Variants in FRMPD2 observed in about 807,000 individuals in gnomAD.
FRMPD2 encodes FERM and PDZ domain containing 2, also known as FERM and PDZ domain-containing protein 2.
FRMPD2 carries 96 observed loss-of-function variants against 140.1 expected under a neutral mutation model. The ratio of observed to expected loss-of-function variants is 0.69; its 90% CI spans 0.58 to 0.81. The LOEUF is 0.81. Ranked by LOEUF, FRMPD2 falls within the 40% of genes least tolerant of loss-of-function variation. The pLI is 0.00. For missense variants in FRMPD2, 1,240 were observed against 1,447.4 expected (o/e 0.86, Z 2.32); for synonymous variants, 449 against 547.6 (o/e 0.82, Z 2.52).
chr10:48,206,716 T>C, intron 14 of FRMPD2, 32 bp downstream of exon 14: 1 of 1,578,098 alleles, frequency 6.3e-7, no homozygotes, highest in Non-Finnish European at 8.7e-7. Context: ...GAAAATGAAG[T>C]GCAGGTTATT....
At chr10:48,260,408 C>T (rs1009523345) in intron 1 of FRMPD2, among the ~76,000 whole-genome samples, 1 of 152,120 alleles carries the variant, frequency 6.6e-6, no homozygotes, top group Non-Finnish European at 1.5e-5. Context: ...TGTCCCAGCT[C>T]AAGCTGGGTA....
At chr10:48,241,538 T>G (rs1247013055) in intron 5 of FRMPD2, among the ~76,000 whole-genome samples, 1 of 152,214 alleles carries the variant, frequency 6.6e-6, no homozygotes. Context: ...TCAGCTGTAC[T>G]ACCATCACTC....
chr10:48,222,281 C>T, intron 12 of FRMPD2, 32 bp downstream of exon 12: 1 of 1,602,876 alleles, frequency 6.2e-7, no homozygotes, highest in Non-Finnish European at 8.5e-7. Context: ...TTCCAGTGAC[C>T]CCACACAAAG....
chr10:48,228,187 T>G (rs1473049854), intron 10 of FRMPD2, among the ~76,000 whole-genome samples: 1 of 152,112 alleles, frequency 6.6e-6, no homozygotes, highest in Admixed American at 6.5e-5. Context: ...ATGACTACAT[T>G]TGTTTCATGT....
chr10:48,194,259 T>C (rs1838903547), intron 15 of FRMPD2, among the ~76,000 whole-genome samples: 1 of 151,988 alleles, frequency 6.6e-6, no homozygotes, highest in Admixed American at 6.6e-5. Flanking sequence ...GGGCTAAGAG[T>C]GTGTTAATTA....
chr10:48,187,373 C>G, intron 16 of FRMPD2, 81 bp from the exon 17 acceptor site: 1 of 1,207,140 alleles, frequency 8.3e-7, no homozygotes, highest in Non-Finnish European at 1.2e-6. Context: ...CTCAGGGAGG[C>G]AACTTCTTGG....
Position 48,178,064 on chromosome 10 carries a change from G to A in FRMPD2, c.2878C>T (p.Leu960Phe), listed in dbSNP as rs782484554. ...ACTCTTACAGTTACACTGAATCCAA[G>A]TGTCCCATCTTCTTTAACCAGTTCC... Reference protein sequence around the residue: ...FVELVKEDGTLGFSVTGGINT... With the variant: ...FVELVKEDGTFGFSVTGGINT... The change falls in exon 22 of 29, where the codon CTT becomes TTT. Residue 960 changes from leucine to phenylalanine, a missense_variant. This residue lies in a region of FRMPD2 where 25 missense variants were observed against 41.5 expected (regional missense o/e 0.60). Coordinates refer to ENST00000374201, the MANE Select transcript of FRMPD2 (RefSeq NM_001018071.4). 11 of 1,599,376 alleles carry A rather than the reference G, an allele frequency of 6.9e-6. No individual in the cohort carries two copies. The highest frequency in any genetic ancestry group is 2.2e-5 in the South Asian group (2 of 90,652).
intron 14 of FRMPD2, among the ~76,000 whole-genome samples, chr10:48,206,295 C>A (rs1001078258): frequency 6.6e-6 from 1 of 152,108 alleles, no homozygotes; most frequent in Non-Finnish European, 1.5e-5. Flanking sequence ...AGAGACAGAC[C>A]AGAGGCCTTG....
intron 15 of FRMPD2, among the ~76,000 whole-genome samples, chr10:48,200,004 G>C (rs961291233): frequency 3.3e-5 from 5 of 152,080 alleles, no homozygotes; most frequent in Non-Finnish European, 5.9e-5. Flanking sequence ...TGTCGCTGGA[G>C]GAGAGCTGCA....
chr10:48,183,195 G>A (rs1477286137), intron 20 of FRMPD2, among the ~76,000 whole-genome samples: 1 of 152,162 alleles, frequency 6.6e-6, no homozygotes, highest in East Asian at 1.9e-4. Context: ...TGGCTGGTGT[G>A]ACAGGAAGTT....
rs370399742 is a variant in FRMPD2 at position 48,232,152 on chromosome 10, G to A, written c.1131C>T (p.Leu377=). The A allele has an allele frequency of 5.8e-5, 94 of 1,614,070 alleles. 1 individual carries two copies. Among genetic ancestry groups the A allele is most frequent in the Non-Finnish European group, 5.9e-5 (70 of 1,180,046 alleles). The change falls in exon 10 of 29, where the codon CTC becomes CTT. Residue 377 remains leucine (L), a synonymous_variant. Transcript: ENST00000374201. ...VFNAVTSFAN[L]EELTYFGLAY... The stretch of plus-strand genomic sequence containing the variant: ...CCAAGCCAAAGTAGGTGAGTTCCTC[G>A]AGGTTGGCAAAGGATGTCACGGCAT...
chr10:48,216,290 G>GGATGGATAGATAGATA (rs141322515), intron 12 of FRMPD2, among the ~76,000 whole-genome samples: 1 of 149,556 alleles, frequency 6.7e-6, no homozygotes, highest in African/African-American at 2.5e-5. Context: ...CATAGATGAT[G>GGATGGATAGATAGATA]GATAGATAGA....
intron 1 of FRMPD2, among the ~76,000 whole-genome samples, chr10:48,258,875 T>G (rs1169147327): frequency 6.6e-6 from 1 of 152,224 alleles, no homozygotes; most frequent in Non-Finnish European, 1.5e-5. Flanking sequence ...TTATAACTAT[T>G]TTATAAAAAT....
chr10:48,199,309 T>C (rs1839026200), intron 15 of FRMPD2, among the ~76,000 whole-genome samples: 1 of 150,476 alleles, frequency 6.6e-6, no homozygotes, highest in African/African-American at 2.4e-5. Flanking sequence ...CAAGGTACCT[T>C]AAATTTTTAA....
At chr10:48,200,197 T>TAAATAAAAAAAA (rs1554794425) in intron 15 of FRMPD2, among the ~76,000 whole-genome samples, 41 of 139,720 alleles carry the variant, frequency 2.9e-4, no homozygotes, top group Middle Eastern at 3.8e-3. Flanking sequence ...AATAAATAAA[T>TAAATAAAAAAAA]AAAACAGAGC....
At chr10:48,242,456 C>T (rs1840144624) in intron 4 of FRMPD2, 104 bp from the exon 5 acceptor site, 1 of 975,180 alleles carries the variant, frequency 1.0e-6, no homozygotes, top group Non-Finnish European at 1.5e-6. Flanking sequence ...CGGGTGTTCC[C>T]ACAAGCACCA....
intron 15 of FRMPD2, among the ~76,000 whole-genome samples, chr10:48,200,601 G>A (rs1839062812): frequency 6.6e-6 from 1 of 152,138 alleles, no homozygotes; most frequent in Non-Finnish European, 1.5e-5. Context: ...TTCATGATAG[G>A]TCTGTGTTGC....
intron 17 of FRMPD2, 33 bp downstream of exon 17, chr10:48,187,159 C>T: frequency 1.3e-6 from 2 of 1,507,158 alleles, no homozygotes; most frequent in Non-Finnish European, 1.8e-6. Context: ...AGGGGTTCCT[C>T]CACCCAAGAC....
In FRMPD2 at chr10:48,212,003, C is replaced by T. The variant is rs1458605536; in HGVS notation, c.1562G>A (p.Arg521Gln). The T allele has an allele frequency of 1.1e-5, 17 of 1,613,952 alleles. No individual in the cohort carries two copies. Among genetic ancestry groups the T allele is most frequent in the African/African-American group, 2.7e-5 (2 of 74,914 alleles). ...CTCTCCCCACAGTGCAGAGCTGAGCCGGTGCATCTCTGAGACTTCAACCTG... is the reference window on the plus strand; with the variant it reads ...CTCTCCCCACAGTGCAGAGCTGAGCTGGTGCATCTCTGAGACTTCAACCTG... ...RVQVEVSEMH[R>Q]LSSALWGEDA... The change falls in exon 13 of 29, where the codon CGG becomes CAG. Residue 521 changes from arginine (R) to glutamine (Q), a missense_variant. By Grantham distance (43) the Arg-to-Gln change is conservative. This residue lies in a region of FRMPD2 where 1,161 missense variants were observed against 1,055.9 expected (regional missense o/e 1.10). Transcript: ENST00000374201.
Sources: gnomAD v4.1 joint callset for allele counts (sites outside exome capture counted in the v4.1 genomes callset) on GRCh38, gnomAD v4.1.1 for gene constraint, gnomAD v4.1.1 regional missense constraint, MANE v1.5 for transcripts, NCBI Gene and HGNC (gene_info 2026-07-23, HGNC 2026-07-21) for gene names.